RAB27B: variants seen among roughly 807,000 people sequenced by gnomAD.
RAB27B encodes RAB27B, member RAS oncogene family.
Under a neutral mutation model 24.6 loss-of-function variants are expected in RAB27B, and 15 were observed. That is an observed-to-expected ratio of 0.61 (90% CI 0.41 to 0.94). The LOEUF is 0.94. RAB27B is among the 40% of genes least tolerant of loss of function. The pLI is 0.00. For synonymous variants in RAB27B, 105 were observed against 92.5 expected (o/e 1.14, Z -0.78); for missense variants, 261 against 266.8 (o/e 0.98, Z 0.15).
chr18:54,872,142 G>A (rs1490031736), intron 1 of RAB27B, among the ~76,000 whole-genome samples: 1 of 152,142 alleles, frequency 6.6e-6, no homozygotes, highest in Non-Finnish European at 1.5e-5. Context: ...ATGCTTATAC[G>A]GAGGAGCCCA....
chr18:54,742,910 G>A (rs969600097), intron 2 of RAB27B, among the ~76,000 whole-genome samples: 3 of 152,178 alleles, frequency 2.0e-5, no homozygotes, highest in African/African-American at 7.2e-5. Flanking sequence ...AACTCACCCT[G>A]TGAGGTCAGC....
intron 1 of RAB27B, among the ~76,000 whole-genome samples, chr18:54,844,114 TATAG>T (rs759591200): frequency 1.9e-4 from 29 of 151,362 alleles, no homozygotes; most frequent in African/African-American, 1.5e-4. Context: ...AAACACAACA[TATAG>T]ATATAGTTTT....
intron 1 of RAB27B, among the ~76,000 whole-genome samples, chr18:54,871,678 G>C (rs559292642): frequency 6.6e-6 from 1 of 151,756 alleles, no homozygotes; most frequent in Non-Finnish European, 1.5e-5. Flanking sequence ...GTGAAACCCC[G>C]TCTCTACTAA....
intron 1 of RAB27B, among the ~76,000 whole-genome samples, chr18:54,861,865 T>G (rs1193041229): frequency 6.6e-6 from 1 of 152,194 alleles, no homozygotes; most frequent in Non-Finnish European, 1.5e-5. Context: ...ATTGGCCTCT[T>G]TGTGTGTATT....
chr18:54,845,987 T>A (rs1030438500), intron 1 of RAB27B, among the ~76,000 whole-genome samples: 1 of 152,234 alleles, frequency 6.6e-6, no homozygotes, highest in Non-Finnish European at 1.5e-5. Context: ...AAGTTGGTGC[T>A]GTACATTCTT....
Position 54,889,329 on chromosome 18 carries a change from G to T in RAB27B, c.573G>T (p.Lys191Asn), listed in dbSNP as rs757459786. Residue 191 changes from lysine to asparagine, a missense_variant, in exon 6 of 6, where the codon AAG becomes AAT. By Grantham distance (94) the Lys-to-Asn change is moderately conservative. Coordinates refer to ENST00000262094, the MANE Select transcript of RAB27B (RefSeq NM_004163.4). ...IMKRMEQCVE[K>N]TQIPDTVNGG... Reference sequence around the variant, plus strand: ...AGCGAATGGAACAGTGTGTGGAGAAGACACAAATCCCTGATACTGTCAATG... The same window carrying T: ...AGCGAATGGAACAGTGTGTGGAGAATACACAAATCCCTGATACTGTCAATG... 1 of 1,613,410 alleles carries T rather than the reference G, an allele frequency of 6.2e-7. No individual in the cohort carries two copies. The highest frequency in any genetic ancestry group is 1.7e-5 in the Admixed American group (1 of 59,980).
intron 1 of RAB27B, among the ~76,000 whole-genome samples, chr18:54,831,429 A>G (rs1910673083): frequency 6.6e-6 from 1 of 152,302 alleles, no homozygotes; most frequent in South Asian, 2.1e-4. Flanking sequence ...GTCCTAATGA[A>G]CATGTTGGCC....
At chr18:54,886,268 A>G (rs999774298) in intron 4 of RAB27B, among the ~76,000 whole-genome samples, 89 of 152,116 alleles carry the variant, frequency 5.9e-4, no homozygotes, top group African/African-American at 2.1e-3. Flanking sequence ...TTTTTGGTTT[A>G]CTTGTGTTTT....
At chr18:54,867,905 G>A (rs899070419) in intron 1 of RAB27B, among the ~76,000 whole-genome samples, 4 of 152,150 alleles carry the variant, frequency 2.6e-5, no homozygotes, top group African/African-American at 9.7e-5. Context: ...TAGTGCAAAT[G>A]ACTTACCAAA....
At chr18:54,719,179 TA>T (rs1909283484) in intron 2 of RAB27B, among the ~76,000 whole-genome samples, 1 of 152,200 alleles carries the variant, frequency 6.6e-6, no homozygotes, top group South Asian at 2.1e-4. Flanking sequence ...ATTTGTTAAA[TA>T]ATTTTTAAAA....
At chr18:54,788,427 T>C (rs888516282) in intron 2 of RAB27B, among the ~76,000 whole-genome samples, 3 of 152,158 alleles carry the variant, frequency 2.0e-5, no homozygotes, top group African/African-American at 7.2e-5. Context: ...TTCAGCCTCC[T>C]GAATAGCTGG....
At chr18:54,780,892 T>G (rs1908894487) in intron 2 of RAB27B, among the ~76,000 whole-genome samples, 2 of 152,212 alleles carry the variant, frequency 1.3e-5, no homozygotes, top group Admixed American at 6.5e-5. Flanking sequence ...AGCTTTGTAC[T>G]GGGAGTAGCA....
chr18:54,850,280 G>A lies in RAB27B; in HGVS notation c.-20+21580G>A, dbSNP rs1459767629. Among the ~76,000 whole-genome samples, 7 of 139,040 alleles carry A rather than the reference G, an allele frequency of 5.0e-5. No homozygotes were observed. The Admixed American group carries it at 5.4e-4, about 11-fold the overall frequency. The allele number at this position is 139,040 out of a possible 152,430, so 91.2% of individuals were successfully genotyped here. A position where few individuals can be genotyped will look rare whatever the true frequency, so the allele number is the denominator to read the frequency against. On this transcript the variant is annotated intron_variant, in intron 1 of 5. Transcript: ENST00000262094. ...TACAAACAACTTTCCTGGAACACAA[G>A]CATTACACAAAGTGAAGTATACCTG...
At chr18:54,810,586 T>C (rs1487298488) in intron 2 of RAB27B, among the ~76,000 whole-genome samples, 2 of 151,934 alleles carry the variant, frequency 1.3e-5, no homozygotes, top group Non-Finnish European at 2.9e-5. Flanking sequence ...TCCCAGCACA[T>C]TGGGAGGCTG....
At chr18:54,735,690 T>C (rs1909869184) in intron 2 of RAB27B, among the ~76,000 whole-genome samples, 1 of 152,250 alleles carries the variant, frequency 6.6e-6, no homozygotes, top group Middle Eastern at 3.4e-3. Context: ...TTTTTTATTT[T>C]TTTATATTTT....
chr18:54,796,477 G>A (rs1909423465), intron 2 of RAB27B, among the ~76,000 whole-genome samples: 1 of 152,164 alleles, frequency 6.6e-6, no homozygotes, highest in Admixed American at 6.5e-5. Context: ...AGTGATGGAG[G>A]TGGTTCTCAG....
At chr18:54,838,731 G>A (rs7241381) in intron 1 of RAB27B, among the ~76,000 whole-genome samples, 39,515 of 151,870 alleles carry the variant, frequency 0.26, 5,635 homozygotes, top group African/African-American at 0.36. Flanking sequence ...TGACTCTTAC[G>A]AGTTAGACAC....
intron 2 of RAB27B, among the ~76,000 whole-genome samples, chr18:54,742,755 C>T (rs1207740941): frequency 6.6e-6 from 1 of 152,112 alleles, no homozygotes; most frequent in Non-Finnish European, 1.5e-5. Flanking sequence ...AGGATGCTGC[C>T]CACTTGCATA....
exon 1 of RAB27B, chr18:54,717,862 T>G (rs1909238762): frequency 6.6e-6 from 1 of 152,204 alleles, no homozygotes; most frequent in East Asian, 1.9e-4. Context: ...GAGCCGCCTT[T>G]GCTGTTACAC....
Sources: allele counts gnomAD v4.1 joint callset (sites outside exome capture counted in the v4.1 genomes callset), GRCh38; gene constraint gnomAD v4.1.1; transcripts MANE v1.5; gene names NCBI Gene and HGNC (gene_info 2026-07-23, HGNC 2026-07-21).